Variants in OSBPL10 observed in about 807,000 individuals in gnomAD.
OSBPL10 encodes the protein oxysterol binding protein like 10.
OSBPL10 carries 49 observed loss-of-function variants against 81.7 expected under a neutral mutation model. The observed-to-expected ratio is 0.60, with a 90% CI of 0.48 to 0.76. OSBPL10 has a LOEUF of 0.76. Ranked by LOEUF, OSBPL10 falls within the 30% of genes least tolerant of loss-of-function variation. OSBPL10 has a pLI of 0.00. For missense variants in OSBPL10, 923 were observed against 987.8 expected, an observed-to-expected ratio of 0.93 and a Z score of 0.88; for synonymous variants, 419 against 383.6, an observed-to-expected ratio of 1.09 and a Z score of -1.08.
At chr3:31,932,086 T>A (rs983962435) in intron 1 of OSBPL10, among the ~76,000 whole-genome samples, 14 of 151,718 alleles carry the variant, frequency 9.2e-5, no homozygotes, top group East Asian at 1.9e-4. Context: ...GAAAAAAAAA[T>A]TTACAGAATT....
intron 6 of OSBPL10, among the ~76,000 whole-genome samples, chr3:31,726,116 G>A (rs1207455121): frequency 1.3e-5 from 2 of 151,990 alleles, no homozygotes; most frequent in African/African-American, 2.4e-5. Context: ...CCCAGTTCTG[G>A]TCTCTCTGGG....
chr3:32,072,782 C>T (rs1699841266), intron 1 of OSBPL10, among the ~76,000 whole-genome samples: 1 of 152,162 alleles, frequency 6.6e-6, no homozygotes, highest in East Asian at 1.9e-4. Context: ...ACCTCTTGGT[C>T]TGGGTAGACA....
At chr3:31,722,011 C>T (rs1168999773) in intron 6 of OSBPL10, among the ~76,000 whole-genome samples, 2 of 152,114 alleles carry the variant, frequency 1.3e-5, no homozygotes, top group Non-Finnish European at 2.9e-5. Flanking sequence ...TCATGTTAAT[C>T]CCCATCCCCC....
intron 1 of OSBPL10, among the ~76,000 whole-genome samples, chr3:31,975,171 GT>G (rs1242072309): frequency 2.0e-5 from 3 of 152,184 alleles, no homozygotes; most frequent in Non-Finnish European, 4.4e-5. Flanking sequence ...ATATTATACA[GT>G]GTTTTGTAAC....
At chr3:31,877,937 A>G (rs1429005767) in intron 2 of OSBPL10, among the ~76,000 whole-genome samples, 1 of 152,164 alleles carries the variant, frequency 6.6e-6, no homozygotes, top group African/African-American at 2.4e-5. Flanking sequence ...ATACTCCCAA[A>G]AGCTGTGCGT....
chr3:31,754,866 G>T (rs1020675455), intron 4 of OSBPL10, among the ~76,000 whole-genome samples: 1 of 152,124 alleles, frequency 6.6e-6, no homozygotes, highest in Non-Finnish European at 1.5e-5. Flanking sequence ...TTCTTGATAT[G>T]ACTGATGATT....
At chr3:31,796,920 C>G (rs923088789) in intron 4 of OSBPL10, among the ~76,000 whole-genome samples, 3 of 152,048 alleles carry the variant, frequency 2.0e-5, no homozygotes, top group Non-Finnish European at 4.4e-5. Flanking sequence ...CATTTTCTCC[C>G]ATTCTCATAC....
In OSBPL10 at chr3:31,812,782, GAAAGAAAGAAAGAAAGAAAGAAAGAA is replaced by G. The variant is rs1559476342; in HGVS notation, c.729+17232_729+17257del. The stretch of plus-strand genomic sequence containing the variant: ...AGAAAGAAAGAAAGAAAGAAAGAAA[GAAAGAAAGAAAGAAAGAAAGAAAGAA>G]AGAAAGAAAGAGAAAGAAAGAAAGA... On this transcript the variant is annotated intron_variant, in intron 4 of 11. Coordinates refer to ENST00000396556, the MANE Select transcript of OSBPL10 (RefSeq NM_017784.5). Among the ~76,000 whole-genome samples, 29 of 40,806 alleles carry G rather than the reference GAAAGAAAGAAAGAAAGAAAGAAAGAA, an allele frequency of 7.1e-4. 2 individuals carry two copies. Among genetic ancestry groups the G allele is most frequent in the African/African-American group, 3.3e-3 (29 of 8,864 alleles). The allele number at this position is 40,806 out of a possible 152,430, so 26.8% of individuals were successfully genotyped here.
intron 2 of OSBPL10, among the ~76,000 whole-genome samples, chr3:32,015,164 C>T (rs1220676264): frequency 4.0e-5 from 6 of 151,204 alleles, no homozygotes; most frequent in South Asian, 2.1e-4. Context: ...AAGAACAAAG[C>T]TGGAGGCATC....
At chr3:31,683,583 A>G in intron 8 of OSBPL10, 51 bp downstream of exon 8, 2 of 1,574,122 alleles carry the variant, frequency 1.3e-6, no homozygotes, top group South Asian at 1.1e-5. Context: ...TCTACCAGGT[A>G]TAGAAACGTC....
rs954387454 is a variant in OSBPL10 at position 31,660,984 on chromosome 3, C to G, written c.*1088G>C. 6.6e-6 allele frequency: 1 copy of G among 152,660 alleles called. No homozygotes were observed. The highest frequency in any genetic ancestry group is 2.4e-5 in the African/African-American group (1 of 41,460). 9.5% of individuals were successfully genotyped at this position (152,660 alleles called of 1,614,324 possible). A position where few individuals can be genotyped will look rare whatever the true frequency, so the allele number is the denominator to read the frequency against. ...GTGGCACAGTAAAAAATAAATTAAG[C>G]ATTCAGCAAAAACCAGATATTTCAT... is the stretch of plus-strand genomic sequence containing the variant. On this transcript the variant is annotated 3_prime_UTR_variant, in exon 12 of 12. Coordinates refer to ENST00000396556, the MANE Select transcript of OSBPL10 (RefSeq NM_017784.5).
chr3:31,810,618 A>C (rs928657351), intron 4 of OSBPL10, among the ~76,000 whole-genome samples: 2 of 152,196 alleles, frequency 1.3e-5, no homozygotes, highest in Non-Finnish European at 2.9e-5. Flanking sequence ...ACACATACTA[A>C]ATAAAAATGG....
At chr3:31,864,106 C>T (rs1333129683) in intron 3 of OSBPL10, among the ~76,000 whole-genome samples, 5 of 152,172 alleles carry the variant, frequency 3.3e-5, no homozygotes, top group East Asian at 1.9e-4. Context: ...CGAGGACACA[C>T]GGTGGGCCAT....
At chr3:31,824,189 T>C (rs1396814176) in intron 4 of OSBPL10, among the ~76,000 whole-genome samples, 1 of 152,110 alleles carries the variant, frequency 6.6e-6, no homozygotes, top group Non-Finnish European at 1.5e-5. Context: ...GACACCATGG[T>C]CAATGAAAGC....
Position 32,049,028 on chromosome 3 carries a change from ATATGG to A in OSBPL10, n.186-2430_186-2426del, listed in dbSNP as rs748998377. 2.2e-3 allele frequency among the ~76,000 whole-genome samples: 309 copies of A among 140,282 alleles called. No homozygotes were observed. The Middle Eastern group carries it at 0.035, about 16-fold the overall frequency. The allele number at this position is 140,282 out of a possible 152,430, so 92.0% of individuals were successfully genotyped here. On this transcript the variant is annotated intron_variant and non_coding_transcript_variant, in intron 1 of 3. Transcript: ENST00000479173. ...CATTGCAACATCCGGAAGTTACCCT[ATATGG>A]TCTAAAGAGGGAAGGACCCCTCAGT...
intron 1 of OSBPL10, among the ~76,000 whole-genome samples, chr3:31,967,521 T>C (rs746045824): frequency 3.3e-5 from 5 of 152,154 alleles, no homozygotes; most frequent in African/African-American, 7.2e-5. Context: ...TGGTAATTCA[T>C]TATAATTTTC....
At chr3:31,930,168 T>C (rs892874837) in intron 1 of OSBPL10, among the ~76,000 whole-genome samples, 2 of 149,250 alleles carry the variant, frequency 1.3e-5, no homozygotes, top group East Asian at 1.9e-4. Context: ...AAAAAAAAAT[T>C]TTTTTTTAAT....
At chr3:31,933,856 G>A (rs1410333347) in intron 1 of OSBPL10, among the ~76,000 whole-genome samples, 19 of 151,952 alleles carry the variant, frequency 1.3e-4, no homozygotes, top group Non-Finnish European at 5.9e-5. Flanking sequence ...AGACTCTCTA[G>A]GCCACTTAAA....
intron 3 of OSBPL10, among the ~76,000 whole-genome samples, chr3:31,833,715 A>G (rs1456922388): frequency 6.6e-6 from 1 of 151,258 alleles, no homozygotes; most frequent in Non-Finnish European, 1.5e-5. Context: ...GCACACACAC[A>G]CACACACACA....
Sources: gnomAD v4.1 joint callset for allele counts (sites outside exome capture counted in the v4.1 genomes callset) on GRCh38, gnomAD v4.1.1 for gene constraint, MANE v1.5 for transcripts, NCBI Gene and HGNC (gene_info 2026-07-23, HGNC 2026-07-21) for gene names.